The following IL13RA1 variants were observed in gnomAD, a reference collection of about 807,000 sequenced individuals.
IL13RA1 encodes the protein interleukin-13 receptor subunit alpha-1.
A neutral mutation model predicts 33.8 loss-of-function variants in IL13RA1; 14 were observed. The ratio of observed to expected loss-of-function variants is 0.41; its 90% confidence interval spans 0.27 to 0.65. IL13RA1 has a LOEUF of 0.65. Among genes scored for constraint, IL13RA1 ranks in the 30% least tolerant of loss-of-function variants. The probability of loss-of-function intolerance (pLI) is 0.28; values close to 1 mark genes in which losing one functional copy is unlikely to be tolerated. For synonymous variants in IL13RA1, 116 were observed against 115.7 expected, an observed-to-expected ratio of 1.00 and a Z score of -0.02; for missense variants, 313 against 327.0, an observed-to-expected ratio of 0.96 and a Z score of 0.33.
the IL13RA1 span, among the ~76,000 whole-genome samples, chrX:118,804,363 C>T: frequency 9.5e-6 from 1 of 104,742 alleles, no homozygotes; most frequent in Non-Finnish European, 1.9e-5. Flanking sequence ...ACATAGTCTT[C>T]CTTAAAACAG....
At chrX:118,752,913 G>GT (rs1164115404) in intron 4 of IL13RA1, among the ~76,000 whole-genome samples, 1 of 112,190 alleles carries the variant, frequency 8.9e-6, no homozygotes. Flanking sequence ...TAGCCTGGCT[G>GT]TTGATGTTGT....
At chrX:118,727,757 G>A in intron 1 of IL13RA1, 31 bp downstream of exon 1, 1 of 705,510 alleles carries the variant, frequency 1.4e-6, no homozygotes, top group East Asian at 5.0e-5. Context: ...CCGAGGGGCG[G>A]CCGGAGGGCT....
intron 1 of IL13RA1, among the ~76,000 whole-genome samples, chrX:118,735,576 C>T (rs2017272250): frequency 8.9e-6 from 1 of 111,858 alleles, no homozygotes; most frequent in African/African-American, 3.2e-5. Flanking sequence ...GAGACAGAGT[C>T]TCACTCTGTC....
Position 118,758,146 on chromosome X carries a change from G to C in IL13RA1, c.580G>C (p.Asp194His). 8.7e-7 allele frequency: 1 copy of C among 1,149,150 alleles called. No individual in the cohort carries two copies. The highest frequency in any genetic ancestry group is 1.2e-6 in the Non-Finnish European group (1 of 840,654). The allele number at this position is 1,149,150 out of a possible 1,213,427, so 94.7% of individuals were successfully genotyped here. A position where few individuals can be genotyped will look rare whatever the true frequency, so the allele number is the denominator to read the frequency against. ...TTCCTTTGATCTGACCAAAGTGAAG[G>C]ATTCCAGTTTTGAACAACACAGTGT... Reference protein sequence around the residue: ...GCSFDLTKVKDSSFEQHSVQI... With the variant: ...GCSFDLTKVKHSSFEQHSVQI... Residue 194 changes from aspartate to histidine, a missense_variant, in exon 5 of 11, where the codon GAT becomes CAT. Asp to His is a moderately conservative substitution (Grantham distance 81). Coordinates refer to ENST00000371666, the MANE Select transcript of IL13RA1 (RefSeq NM_001560.3).
At chrX:118,759,658 A>G (rs2017570682) in intron 5 of IL13RA1, among the ~76,000 whole-genome samples, 1 of 112,592 alleles carries the variant, frequency 8.9e-6, no homozygotes, top group African/African-American at 3.2e-5. Context: ...TCTCAGATAG[A>G]AGATGATATC....
chrX:118,768,678 CCACACAGAGA>C (rs200041847), intron 8 of IL13RA1, among the ~76,000 whole-genome samples: 5,329 of 111,390 alleles, frequency 0.048, 306 homozygotes, highest in African/African-American at 0.16. Context: ...AAAAGAGAAG[CCACACAGAGA>C]CACACAGACA....
At chrX:118,736,803 T>C (rs1255769027) in intron 1 of IL13RA1, among the ~76,000 whole-genome samples, 1 of 112,140 alleles carries the variant, frequency 8.9e-6, no homozygotes, top group Non-Finnish European at 1.9e-5. Flanking sequence ...AAAATTGTTT[T>C]GGTGGAGATG....
chrX:118,766,626 G>C (rs765134267), intron 7 of IL13RA1, 49 bp downstream of exon 7: 1 of 712,143 alleles, frequency 1.4e-6, no homozygotes, highest in Admixed American at 2.4e-5. Context: ...AGAGCAGTTG[G>C]GGGTGGAGCA....
intron 1 of IL13RA1, among the ~76,000 whole-genome samples, chrX:118,731,380 C>T (rs1030004267): frequency 3.6e-5 from 4 of 111,452 alleles, no homozygotes; most frequent in African/African-American, 6.5e-5. Context: ...AGTTCGAGAC[C>T]AGCCTGGCCA....
At chrX:118,795,227 A>AAAAAAAAAAAAAAAAAAAAAAAAAAG (rs200347606), downstream of IL13RA1, among the ~76,000 whole-genome samples, 4 of 95,004 alleles carry the variant, frequency 4.2e-5, no homozygotes, top group African/African-American at 1.4e-4. Flanking sequence ...AAAAAAAAAA[A>AAAAAAAAAAAAAAAAAAAAAAAAAAG]AAAGAAAAAG....
chrX:118,749,764 T>C lies in IL13RA1; in HGVS notation c.474T>C (p.Tyr158=). Residue 158 remains tyrosine (Y), a synonymous_variant, in exon 4 of 11, where the codon TAT becomes TAC. Transcript: ENST00000371666. ...GGAATACCAGTCCCGACACTAACTA[T>C]ACTCTCTACTATTGGTGAGTATGTA... is the stretch of plus-strand genomic sequence containing the variant. ...PGRNTSPDTN[Y]TLYYWHRSLE... is the part of the protein sequence containing the mutation. The C allele has an allele frequency of 8.6e-7, 1 of 1,158,308 alleles. No homozygotes were observed. Among genetic ancestry groups the C allele is most frequent in the Non-Finnish European group, 1.2e-6 (1 of 847,034 alleles).
intron 1 of IL13RA1, among the ~76,000 whole-genome samples, chrX:118,732,190 A>G (rs181985681): frequency 5.8e-4 from 64 of 110,913 alleles, no homozygotes; most frequent in African/African-American, 1.8e-3. Context: ...CTCTGTACCC[A>G]TTAAACAATA....
chrX:118,736,017 TTTA>T (rs2017278183), intron 1 of IL13RA1, among the ~76,000 whole-genome samples: 1 of 111,745 alleles, frequency 8.9e-6, no homozygotes. Context: ...TAATTTCAAG[TTTA>T]TTGATTCTTT....
At chrX:118,743,684 A>G (rs2017371418) in intron 2 of IL13RA1, among the ~76,000 whole-genome samples, 1 of 111,930 alleles carries the variant, frequency 8.9e-6, no homozygotes, top group African/African-American at 3.2e-5. Context: ...CCAAGTGAAC[A>G]TTGGTCTGGG....
chrX:118,739,976 C>T (rs956360486), intron 1 of IL13RA1, among the ~76,000 whole-genome samples: 6 of 111,936 alleles, frequency 5.4e-5, no homozygotes, highest in Non-Finnish European at 1.1e-4. Flanking sequence ...GGTCTTGCTC[C>T]GTCACCCAGG....
the IL13RA1 span, among the ~76,000 whole-genome samples, chrX:118,801,067 G>A: frequency 8.9e-6 from 1 of 112,381 alleles, no homozygotes; most frequent in South Asian, 3.6e-4. Flanking sequence ...TGAGATTACA[G>A]GCATGAGCCA....
intron 10 of IL13RA1, 31 bp downstream of exon 10, chrX:118,776,542 T>TC (rs1556370916): frequency 5.3e-6 from 1 of 187,317 alleles, no homozygotes; most frequent in Non-Finnish European, 8.5e-6. Flanking sequence ...GCTTGAAATG[T>TC]TTTTTTTTTT....
chrX:118,803,507 A>G, the IL13RA1 span, among the ~76,000 whole-genome samples: 1 of 111,863 alleles, frequency 8.9e-6, no homozygotes, highest in East Asian at 2.8e-4. Flanking sequence ...AAACTGCAAT[A>G]CCATTATCAC....
downstream of IL13RA1, among the ~76,000 whole-genome samples, chrX:118,796,103 G>A (rs1460308154): frequency 8.9e-6 from 1 of 112,204 alleles, no homozygotes; most frequent in Non-Finnish European, 1.9e-5. Flanking sequence ...TTTACCATTA[G>A]CAACAGGAAA....
Sources: allele counts gnomAD v4.1 joint callset (sites outside exome capture counted in the v4.1 genomes callset), GRCh38; gene constraint gnomAD v4.1.1; transcripts MANE v1.5; gene names NCBI Gene and HGNC (gene_info 2026-07-23, HGNC 2026-07-21).